CRYBA4: variants seen among roughly 807,000 people sequenced by gnomAD.
CRYBA4 encodes the protein crystallin beta A4, also known as beta-crystallin A4.
In CRYBA4, 30 loss-of-function variants were observed where a neutral mutation model predicts 31.7. The ratio of observed to expected loss-of-function variants is 0.95; its 90% confidence interval spans 0.71 to 1.28. The LOEUF (loss-of-function observed/expected upper bound fraction) is 1.28, where lower values mean the gene tolerates loss of function less well. Among genes scored for constraint, CRYBA4 ranks in the 50% most tolerant of loss-of-function variants. The pLI, the probability that CRYBA4 is intolerant of heterozygous loss-of-function variation, is 0.00. For missense variants in CRYBA4, 225 were observed against 260.7 expected (o/e 0.86, Z 0.94); for synonymous variants, 102 against 102.3 (o/e 1.00, Z 0.02).
At chr22:26,628,526 C>T in intron 5 of CRYBA4, 96 bp downstream of exon 5, 1 of 1,418,964 alleles carries the variant, frequency 7.0e-7, no homozygotes, top group Middle Eastern at 2.3e-4. Context: ...CTTTTGTGCT[C>T]TGATGCCCAC....
the CRYBA4 span, chr22:26,596,636 G>A: frequency 6.6e-6 from 1 of 152,152 alleles, no homozygotes; most frequent in Non-Finnish European, 1.5e-5. Flanking sequence ...CCAACAATAA[G>A]ACCTTGAAGG....
At chr22:26,617,174 G>T (rs1929384188), upstream of CRYBA4, among the ~76,000 whole-genome samples, 1 of 152,208 alleles carries the variant, frequency 6.6e-6, no homozygotes, top group South Asian at 2.1e-4. Flanking sequence ...GAGGACTGGG[G>T]CTGGGTAGGC....
the CRYBA4 span, among the ~76,000 whole-genome samples, chr22:26,613,052 G>C: frequency 1.3e-5 from 2 of 152,140 alleles, no homozygotes; most frequent in Non-Finnish European, 2.9e-5. Flanking sequence ...CCAGGGCAGG[G>C]CCTGAGGTTG....
the CRYBA4 span, among the ~76,000 whole-genome samples, chr22:26,609,194 C>A: frequency 6.6e-6 from 1 of 152,108 alleles, no homozygotes; most frequent in African/African-American, 2.4e-5. Context: ...CAGAAGGAGA[C>A]AAGGATGATG....
At position 26,628,281 on chromosome 22, in the gene CRYBA4, C is replaced by A; in HGVS notation, c.301-7C>A. On this transcript the variant is annotated splice_region_variant and splice_polypyrimidine_tract_variant and intron_variant, in intron 4 of 5. Transcript: ENST00000354760. ...TGCTGGTCTGACTGTGTTCCCTGTT[C>A]CTGTAGAACCACCGTGACTCGAGGC... The A allele has an allele frequency of 3.7e-6, 6 of 1,613,846 alleles. No individual in the cohort carries two copies. Among genetic ancestry groups the A allele is most frequent in the Non-Finnish European group, 5.1e-6 (6 of 1,179,926 alleles).
chr22:26,600,340 T>C, the CRYBA4 span, among the ~76,000 whole-genome samples: 12 of 151,844 alleles, frequency 7.9e-5, no homozygotes, highest in Non-Finnish European at 1.5e-4. Context: ...AGGCGGAGCT[T>C]GCAGTGAGCT....
chr22:26,608,807 A>C, the CRYBA4 span, among the ~76,000 whole-genome samples: 1 of 152,174 alleles, frequency 6.6e-6, no homozygotes, highest in African/African-American at 2.4e-5. Flanking sequence ...AACTAGTATG[A>C]GGCAATGGGA....
upstream of CRYBA4, chr22:26,621,947 G>A (rs1358970609): frequency 8.1e-6 from 8 of 985,432 alleles, no homozygotes; most frequent in Admixed American, 6.2e-5. Context: ...GCCCGACCTC[G>A]GCTGGTCTCA....
intron 1 of CRYBA4, 50 bp downstream of exon 1, chr22:26,622,036 T>C (rs977284920): frequency 3.1e-6 from 3 of 970,014 alleles, no homozygotes; most frequent in Non-Finnish European, 3.7e-6. Context: ...TGAGTGAGCA[T>C]TCTGGGAGGC....
chr22:26,623,286 C>G lies in CRYBA4; in HGVS notation c.92C>G (p.Ala31Gly). The change falls in exon 3 of 6, where the codon GCC (alanine) becomes GGC (glycine). Residue 31 changes from alanine to glycine, a missense_variant. Ala to Gly is a moderately conservative substitution (Grantham distance 60). Transcript: ENST00000354760. Reference sequence around the variant, plus strand: ...CAGGGCCGGCGGCACGAGTTCACGGCCGAGTGCCCCAGCGTGCTGGAGCTT... The same window carrying G: ...CAGGGCCGGCGGCACGAGTTCACGGGCGAGTGCCCCAGCGTGCTGGAGCTT... The part of the protein sequence containing the change: ...GFQGRRHEFT[A>G]ECPSVLELGF... 1 of 1,614,008 alleles carries G rather than the reference C, an allele frequency of 6.2e-7. No homozygotes were observed. Among genetic ancestry groups the G allele is most frequent in the Admixed American group, 1.7e-5 (1 of 60,026 alleles).
At chr22:26,622,552 G>T in intron 1 of CRYBA4, 33 bp from the exon 2 acceptor site, 1 of 1,593,044 alleles carries the variant, frequency 6.3e-7, no homozygotes, top group Non-Finnish European at 8.6e-7. Context: ...AGAGGGTCAG[G>T]GTGGAAGATT....
the CRYBA4 span, among the ~76,000 whole-genome samples, chr22:26,600,295 G>A: frequency 5.3e-5 from 8 of 152,044 alleles, no homozygotes; most frequent in Admixed American, 2.6e-4. Flanking sequence ...CCAGCTACTC[G>A]GGAGACTGAA....
chr22:26,620,218 A>G (rs902238344), upstream of CRYBA4, among the ~76,000 whole-genome samples: 1 of 152,138 alleles, frequency 6.6e-6, no homozygotes, highest in African/African-American at 2.4e-5. Context: ...CTGCTTTTTG[A>G]TCAACAATTA....
the CRYBA4 span, among the ~76,000 whole-genome samples, chr22:26,612,440 G>T: frequency 6.6e-6 from 1 of 152,138 alleles, no homozygotes; most frequent in African/African-American, 2.4e-5. Flanking sequence ...ATGGCTCACT[G>T]CAACCTCCGC....
At chr22:26,607,962 T>C in the CRYBA4 span, 2 of 1,614,220 alleles carry the variant, frequency 1.2e-6, no homozygotes, top group Non-Finnish European at 1.7e-6. Flanking sequence ...GCGAGGGTAC[T>C]CGCCCTTCTC....
Position 26,628,357 on chromosome 22 carries a change from GA to G in CRYBA4, c.371del (p.Asp124ValfsTer16), listed in dbSNP as rs1372899390. The stretch of plus-strand genomic sequence containing the variant: ...CCTGGGCAAGAAAGGAGAGCTGAGC[GA>G]TGACTATCCTTCCCTCCAGGCCATG... ...NFLGKKGELS[D>X]DYPSLQAMGW... On this transcript the variant is annotated frameshift_variant, in exon 5 of 6. Coordinates refer to ENST00000354760, the MANE Select transcript of CRYBA4 (RefSeq NM_001886.3). LOFTEE classifies it high-confidence loss of function. 1 of 1,614,034 alleles carries G rather than the reference GA, an allele frequency of 6.2e-7. No individual in the cohort carries two copies. The highest frequency in any genetic ancestry group is 8.5e-7 in the Non-Finnish European group (1 of 1,180,000).
the CRYBA4 span, among the ~76,000 whole-genome samples, chr22:26,616,603 C>A: frequency 1.3e-5 from 2 of 152,342 alleles, no homozygotes; most frequent in Admixed American, 1.3e-4. Context: ...CATTACCCCG[C>A]TAGGTCCTTC....
At chr22:26,627,222 T>C (rs1929726641) in intron 4 of CRYBA4, among the ~76,000 whole-genome samples, 1 of 152,152 alleles carries the variant, frequency 6.6e-6, no homozygotes, top group Non-Finnish European at 1.5e-5. Context: ...AGAAATCCTG[T>C]CTAACCTCAG....
the CRYBA4 span, among the ~76,000 whole-genome samples, chr22:26,615,522 C>CTT: frequency 8.2e-5 from 12 of 147,064 alleles, no homozygotes; most frequent in East Asian, 1.8e-3. Flanking sequence ...CTATTCTTTT[C>CTT]TTTTTTTTTT....
Sources: gnomAD v4.1 joint callset for allele counts (sites outside exome capture counted in the v4.1 genomes callset) on GRCh38, gnomAD v4.1.1 for gene constraint, MANE v1.5 for transcripts, NCBI Gene and HGNC (gene_info 2026-07-23, HGNC 2026-07-21) for gene names.